SLC8A1: variants seen among roughly 807,000 people sequenced by gnomAD.
The protein encoded by SLC8A1 is sodium/calcium exchanger 1.
In SLC8A1, 18 loss-of-function variants were observed where a neutral mutation model predicts 68.3. The ratio of observed to expected loss-of-function variants is 0.26; its 90% CI spans 0.18 to 0.39. SLC8A1 has a LOEUF of 0.39. SLC8A1 is among the 10% of genes least tolerant of loss of function. The pLI, the probability that SLC8A1 is intolerant of heterozygous loss-of-function variation, is 1.00. For missense variants in SLC8A1, 985 were observed against 1,156.7 expected (o/e 0.85, Z 2.15); for synonymous variants, 475 against 415.5 (o/e 1.14, Z -1.74).
chr2:40,456,839 T>C (rs1576606296), upstream of SLC8A1, among the ~76,000 whole-genome samples: 1 of 152,220 alleles, frequency 6.6e-6, no homozygotes, highest in South Asian at 2.1e-4. Context: ...GATTATGCTG[T>C]TGTTTTTGTT....
intron 2 of SLC8A1, among the ~76,000 whole-genome samples, chr2:40,215,615 G>T (rs1325578463): frequency 7.4e-6 from 1 of 134,610 alleles, no homozygotes. Flanking sequence ...CCGCAGTCCG[G>T]CCTGGGCGAC....
intron 2 of SLC8A1, among the ~76,000 whole-genome samples, chr2:40,361,887 CTTTTTTTTTTT>C (rs1172909749): frequency 7.0e-4 from 37 of 53,118 alleles, no homozygotes; most frequent in South Asian, 2.1e-3. Flanking sequence ...CTTTTCTTTC[CTTTTTTTTTTT>C]TTTTTTTTTT....
intron 4 of SLC8A1, among the ~76,000 whole-genome samples, 183 bp from the exon 8 acceptor site, chr2:40,165,167 C>A (rs2046338619): frequency 6.6e-6 from 1 of 152,204 alleles, no homozygotes; most frequent in African/African-American, 2.4e-5. Flanking sequence ...CAGCATATCA[C>A]TGTGAGAGCA....
chr2:40,508,748 T>G (rs1706521801), intron 1 of SLC8A1, among the ~76,000 whole-genome samples: 1 of 152,210 alleles, frequency 6.6e-6, no homozygotes, highest in African/African-American at 2.4e-5. Flanking sequence ...AGTACATTTT[T>G]TTCCTAATCT....
rs373582735 is a variant in SLC8A1, at chr2:40,341,529, T to C, written c.1808+86944A>G. On this transcript the variant is annotated intron_variant, in intron 2 of 7. Coordinates refer to ENST00000406785, the Ensembl canonical transcript of SLC8A1. ...TTTGTTGATTTTGCAAGGTCTTTCCTTGGCCTATCTTCTATGCATTAAGGA... is the reference window on the plus strand; with the variant it reads ...TTTGTTGATTTTGCAAGGTCTTTCCCTGGCCTATCTTCTATGCATTAAGGA... Among the ~76,000 whole-genome samples the C allele has an allele frequency of 6.2e-4, 94 of 152,336 alleles. 1 individual carries two copies. Among genetic ancestry groups the C allele is most frequent in the African/African-American group, 2.1e-3 (88 of 41,586 alleles).
chr2:40,292,953 TG>T (rs909622066), intron 2 of SLC8A1, among the ~76,000 whole-genome samples: 3 of 152,168 alleles, frequency 2.0e-5, no homozygotes, highest in Non-Finnish European at 4.4e-5. Context: ...CCATAGATCA[TG>T]GGAAAAGAGG....
intron 2 of SLC8A1, among the ~76,000 whole-genome samples, chr2:40,220,903 A>G (rs930257258): frequency 6.6e-6 from 1 of 152,080 alleles, no homozygotes. Flanking sequence ...AACCAAAAAA[A>G]AGCTCAGGAC....
chr2:40,314,075 T>G (rs1481435451), intron 2 of SLC8A1, among the ~76,000 whole-genome samples: 3 of 152,128 alleles, frequency 2.0e-5, no homozygotes, highest in Non-Finnish European at 1.5e-5. Flanking sequence ...CTAGGAAATC[T>G]TTGCCTAACC....
chr2:40,448,863 TAGAGA>T (rs1701920677), intron 1 of SLC8A1, among the ~76,000 whole-genome samples: 1 of 151,856 alleles, frequency 6.6e-6, no homozygotes, highest in Admixed American at 6.6e-5. Flanking sequence ...CCAGGAAGAG[TAGAGA>T]GATAATAGCA....
intron 2 of SLC8A1, among the ~76,000 whole-genome samples, chr2:40,411,588 A>G (rs556198806): frequency 2.2e-4 from 33 of 152,174 alleles, no homozygotes; most frequent in African/African-American, 7.7e-4. Flanking sequence ...TTGTCTTTAA[A>G]AAAACCTGAA....
chr2:40,244,336 A>T (rs428738), intron 2 of SLC8A1, among the ~76,000 whole-genome samples: 22,944 of 151,988 alleles, frequency 0.15, 2,275 homozygotes, highest in African/African-American at 0.27. Context: ...GAGCGTTTCC[A>T]CATCTATTAT....
intron 2 of SLC8A1, among the ~76,000 whole-genome samples, chr2:40,252,429 T>A (rs969547409): frequency 1.3e-5 from 2 of 151,846 alleles, no homozygotes; most frequent in African/African-American, 4.8e-5. Context: ...GCCTACTGAG[T>A]TCAACTGATT....
chr2:40,149,697 A>G (rs1278273572), intron 6 of SLC8A1, among the ~76,000 whole-genome samples: 2 of 152,136 alleles, frequency 1.3e-5, no homozygotes, highest in Non-Finnish European at 2.9e-5. Flanking sequence ...TTTCTTGTAA[A>G]TGGGTTCATG....
At position 40,136,247 on chromosome 2, in the gene SLC8A1, C is replaced by G. The variant is rs553709974; in HGVS notation, c.2437+3154G>C. On this transcript the variant is annotated intron_variant, in intron 7 of 7. Coordinates refer to ENST00000406785, the Ensembl canonical transcript of SLC8A1. ...CAGGCACGGGTCTTCAAGCTCTTGC[C>G]AAAACACCTAACATTGAGGGTAAGT... is the stretch of plus-strand genomic sequence containing the variant. Among the ~76,000 whole-genome samples, 4 of 152,224 alleles carry G rather than the reference C, an allele frequency of 2.6e-5. No homozygotes were observed. In the South Asian group the frequency reaches 8.3e-4, roughly 32 times the overall value.
At chr2:40,179,800 A>G (rs181819992) in intron 2 of SLC8A1, among the ~76,000 whole-genome samples, 26 of 152,316 alleles carry the variant, frequency 1.7e-4, no homozygotes, top group Non-Finnish European at 2.8e-4. Context: ...CTTCTTTCCT[A>G]ATATGAAGGA....
chr2:40,254,404 GTTTTTTT>G (rs3217134), intron 2 of SLC8A1: 2 of 123,824 alleles, frequency 1.6e-5, no homozygotes, highest in Admixed American at 8.0e-5. Context: ...ATGCTTTTTT[GTTTTTTT>G]TTTTTCAGGC....
rs1456604229 is a variant in SLC8A1, at chr2:40,156,473, T to A, written c.2161+4292A>T. Among the ~76,000 whole-genome samples the A allele has an allele frequency of 3.6e-5, 5 of 137,796 alleles. No homozygotes were observed. In the Admixed American group the frequency reaches 3.9e-4, roughly 11 times the overall value. The allele number at this position is 137,796 out of a possible 152,430, so 90.4% of individuals were successfully genotyped here. The stretch of plus-strand genomic sequence containing the variant: ...AAAGTAAAACAATTTCAGGAAACTC[T>A]TTAATGCTGGATATTTAACATTAGG... On this transcript the variant is annotated intron_variant, in intron 6 of 7. Transcript: ENST00000406785.
chr2:40,359,727 C>G (rs942453568), intron 2 of SLC8A1, among the ~76,000 whole-genome samples: 1 of 152,008 alleles, frequency 6.6e-6, no homozygotes, highest in Non-Finnish European at 1.5e-5. Flanking sequence ...AACAAAGATA[C>G]AGAGTATATG....
At chr2:40,330,689 A>G (rs1380298448) in intron 2 of SLC8A1, among the ~76,000 whole-genome samples, 1 of 152,224 alleles carries the variant, frequency 6.6e-6, no homozygotes, top group Non-Finnish European at 1.5e-5. Context: ...GTAAATGTGG[A>G]AATTCTCTTC....
Sources: allele counts gnomAD v4.1 joint callset (sites outside exome capture counted in the v4.1 genomes callset), GRCh38; gene constraint gnomAD v4.1.1; transcripts MANE v1.5; gene names NCBI Gene and HGNC (gene_info 2026-07-23, HGNC 2026-07-21).